Variants in F10 observed in about 807,000 individuals in gnomAD.
F10 encodes the protein coagulation factor X.
In F10, 29 loss-of-function variants were observed where a neutral mutation model predicts 37.1. That is an observed-to-expected ratio of 0.78 (90% CI 0.58 to 1.07). The LOEUF (loss-of-function observed/expected upper bound fraction) is 1.07. F10 is among the 50% of genes least tolerant of loss of function. The pLI is 0.00. For missense variants in F10, 539 were observed against 667.9 expected (o/e 0.81, Z 2.13); for synonymous variants, 262 against 268.6 (o/e 0.98, Z 0.24).
At chr13:113,140,683 AG>A in intron 4 of F10, 1 of 690,940 alleles carries the variant, frequency 1.4e-6, no homozygotes, top group East Asian at 2.8e-5. Context: ...CGGAGGTGTG[AG>A]GGGCAGGTAC....
At chr13:113,128,885 A>AG (rs1429889218) in intron 1 of F10, 4 of 139,668 alleles carry the variant, frequency 2.9e-5, no homozygotes, top group Admixed American at 6.9e-5. Flanking sequence ...CATCTTAAAG[A>AG]GAAAAAAAAA....
chr13:113,126,056 G>A lies in F10; in HGVS notation c.70+3131G>A, dbSNP rs577903543. Among the ~76,000 whole-genome samples, 3 of 152,292 alleles carry A rather than the reference G, an allele frequency of 2.0e-5. No individual in the cohort carries two copies. In the South Asian group the frequency reaches 6.2e-4, roughly 32 times the overall value. On this transcript the variant is annotated intron_variant, in intron 1 of 7. Transcript: ENST00000375559. ...AGGTGACTGGTGCAAAAGTCCTGGG[G>A]TGTGAGTGTTGGGCTCAGCCAGGGT...
intron 1 of F10, among the ~76,000 whole-genome samples, chr13:113,129,094 G>A (rs2036399638): frequency 6.6e-6 from 1 of 152,146 alleles, no homozygotes; most frequent in Non-Finnish European, 1.5e-5. Flanking sequence ...AGAGAAGTCA[G>A]GTTGGAAACT....
At chr13:113,140,240 AT>A (rs541441351) in intron 4 of F10, among the ~76,000 whole-genome samples, 313 of 144,352 alleles carry the variant, frequency 2.2e-3, no homozygotes, top group East Asian at 3.2e-3. Context: ...GTCCCGGCTA[AT>A]TTTTTTTTTT....
chr13:113,133,894 C>A (rs1338151984), intron 2 of F10, among the ~76,000 whole-genome samples: 1 of 152,074 alleles, frequency 6.6e-6, no homozygotes, highest in Non-Finnish European at 1.5e-5. Flanking sequence ...ATTATGTAAT[C>A]CACCATATAA....
chr13:113,149,087 G>T lies in F10; in HGVS notation c.1037G>T (p.Arg346Leu), dbSNP rs781413602. ...GTGGCGCCTGCCTGCCTCCCCGAGC[G>T]TGACTGGGCCGAGTCCACGCTGATG... ...MNVAPACLPE[R>L]DWAESTLMTQ... The change falls in exon 8 of 8, where the codon CGT becomes CTT. Residue 346 changes from arginine to leucine, a missense_variant. Physicochemically the swap from Arg to Leu is moderately radical, Grantham distance 102. Coordinates refer to ENST00000375559, the MANE Select transcript of F10 (RefSeq NM_000504.4). This position sits in a 1 kb window ranked among gnomAD's most constrained non-coding sequence, Gnocchi z 7.5. 1.2e-6 allele frequency: 2 copies of T among 1,613,200 alleles called. No homozygotes were observed. The highest frequency in any genetic ancestry group is 4.5e-5 in the East Asian group (2 of 44,878).
chr13:113,133,380 T>C (rs1426570717), intron 2 of F10, among the ~76,000 whole-genome samples: 1 of 152,106 alleles, frequency 6.6e-6, no homozygotes, highest in Non-Finnish European at 1.5e-5. Flanking sequence ...CTACAGAAAC[T>C]GTAGATGTTA....
rs769140014 is a variant in F10, at chr13:113,149,250, G to A, written c.1200G>A (p.Gln400=). Residue 400 remains glutamine, a synonymous_variant, in exon 8 of 8, where the codon CAG becomes CAA. Transcript: ENST00000375559. This position sits in a 1 kb window ranked among gnomAD's most constrained non-coding sequence, Gnocchi z 7.5. ...CKLSSSFIIT[Q]NMFCAGYDTK... ...TGTCCAGCAGCTTCATCATCACCCA[G>A]AACATGTTCTGTGCCGGCTACGACA... The A allele has an allele frequency of 1.2e-6, 2 of 1,613,220 alleles. No homozygotes were observed. Among genetic ancestry groups the A allele is most frequent in the South Asian group, 2.2e-5 (2 of 91,082 alleles).
chr13:113,147,310 G>T, intron 6 of F10, 69 bp from the exon 7 acceptor site: 1 of 1,060,434 alleles, frequency 9.4e-7, no homozygotes, highest in Non-Finnish European at 1.5e-6. Flanking sequence ...CACCTGAAGA[G>T]CTGGCTTCTC....
At chr13:113,133,953 T>C (rs1341163751) in intron 2 of F10, among the ~76,000 whole-genome samples, 1 of 152,058 alleles carries the variant, frequency 6.6e-6, no homozygotes, top group African/African-American at 2.4e-5. Context: ...AACAAACAAA[T>C]CTGGCAAAAT....
At chr13:113,140,808 C>T in intron 4 of F10, 111 bp from the exon 5 acceptor site, 2 of 1,552,612 alleles carry the variant, frequency 1.3e-6, no homozygotes, top group Middle Eastern at 1.8e-4. Flanking sequence ...TTTGCTCAAC[C>T]CAATGGCCGC....
chr13:113,139,391 C>A lies in F10; in HGVS notation c.291C>A (p.Asn97Lys). 6.2e-7 allele frequency: 1 copy of A among 1,613,890 alleles called. No individual in the cohort carries two copies. Among genetic ancestry groups the A allele is most frequent in the Non-Finnish European group, 8.5e-7 (1 of 1,179,860 alleles). The change falls in exon 4 of 8, where the codon AAC (asparagine) becomes AAA (lysine). Residue 97 changes from asparagine to lysine, a missense_variant. This residue lies in a region of F10 where 409 missense variants were observed against 547.9 expected (regional missense o/e 0.75). Transcript: ENST00000375559. The surrounding 1 kb of genome is among the most constrained non-coding windows in gnomAD (Gnocchi z 5.2). ...AGTGTGAGACCAGTCCTTGCCAGAA[C>A]CAGGGCAAATGTAAAGACGGCCTCG... ...GDQCETSPCQNQGKCKDGLGE... is the reference protein window; with the variant it reads ...GDQCETSPCQKQGKCKDGLGE...
chr13:113,149,014 G>C lies in F10; in HGVS notation c.964G>C (p.Asp322His). 1 of 1,613,468 alleles carries C rather than the reference G, an allele frequency of 6.2e-7. No individual in the cohort carries two copies. The highest frequency in any genetic ancestry group is 8.5e-7 in the Non-Finnish European group (1 of 1,180,032). The change falls in exon 8 of 8, where the codon GAC becomes CAC. Residue 322 changes from aspartate (D) to histidine (H), a missense_variant. By Grantham distance (81) the Asp-to-His change is moderately conservative (BLOSUM62 -1). This residue lies in a region of F10 where 409 missense variants were observed against 547.9 expected (regional missense o/e 0.75). Transcript: ENST00000375559. This position sits in a 1 kb window ranked among gnomAD's most constrained non-coding sequence, Gnocchi z 7.5. Reference sequence around the variant, plus strand: ...GTTCACAAAGGAGACCTATGACTTCGACATCGCCGTGCTCCGGCTCAAGAC... The same window carrying C: ...GTTCACAAAGGAGACCTATGACTTCCACATCGCCGTGCTCCGGCTCAAGAC... ...NRFTKETYDF[D>H]IAVLRLKTPI...
chr13:113,142,345 T>G (rs569043760), intron 5 of F10, among the ~76,000 whole-genome samples: 19 of 149,704 alleles, frequency 1.3e-4, no homozygotes, highest in Admixed American at 4.0e-4. Flanking sequence ...ATCGAGACCA[T>G]CCTGGCCAAC....
In F10 at chr13:113,143,703, G is replaced by GTCA; in HGVS notation, c.503-148_503-147insTCA. 2.3e-5 allele frequency: 27 copies of GTCA among 1,188,330 alleles called. No individual in the cohort carries two copies. The highest frequency in any genetic ancestry group is 1.4e-4 in the Admixed American group (6 of 42,354). 73.6% of individuals were successfully genotyped at this position (1,188,330 alleles called of 1,614,324 possible). ...CAGATCCGACCCCTGCCGACGACGTGGGGCCTCGCCCTGCAAGCCCGCTGC... is the reference window on the plus strand; with the variant it reads ...CAGATCCGACCCCTGCCGACGACGTGTCAGGGCCTCGCCCTGCAAGCCCGCTGC... On this transcript the variant is annotated intron_variant, in intron 5 of 7. Coordinates refer to ENST00000375559, the MANE Select transcript of F10 (RefSeq NM_000504.4). This position sits in a 1 kb window ranked among gnomAD's most constrained non-coding sequence, Gnocchi z 6.8.
At chr13:113,126,340 G>A (rs953289974) in intron 1 of F10, among the ~76,000 whole-genome samples, 1 of 152,220 alleles carries the variant, frequency 6.6e-6, no homozygotes, top group Non-Finnish European at 1.5e-5. Flanking sequence ...GCAGGCTTCA[G>A]GGAGATGGGA....
At position 113,149,133 on chromosome 13, in the gene F10, G is replaced by C. The variant is rs138101100; in HGVS notation, c.1083G>C (p.Val361=). 8 of 1,612,888 alleles carry C rather than the reference G, an allele frequency of 5.0e-6. No homozygotes were observed. The highest frequency in any genetic ancestry group is 1.3e-5 in the African/African-American group (1 of 74,936). ...STLMTQKTGI[V]SGFGRTHEKG... ...TGATGACGCAGAAGACGGGGATTGTGAGCGGCTTCGGGCGCACCCACGAGA... is the reference window on the plus strand; with the variant it reads ...TGATGACGCAGAAGACGGGGATTGTCAGCGGCTTCGGGCGCACCCACGAGA... Residue 361 remains valine, a synonymous_variant, in exon 8 of 8, where the codon GTG becomes GTC. Transcript: ENST00000375559. This position sits in a 1 kb window ranked among gnomAD's most constrained non-coding sequence, Gnocchi z 7.5.
Position 113,129,554 on chromosome 13 carries a change from T to A in F10, c.173T>A (p.Met58Lys), listed in dbSNP as rs1435923649. 6.2e-7 allele frequency: 1 copy of A among 1,613,998 alleles called. No homozygotes were observed. The highest frequency in any genetic ancestry group is 1.3e-5 in the African/African-American group (1 of 74,912). ...AAAGGACACCTCGAAAGAGAGTGCATGGAAGAGACCTGCTCATACGAAGAG... is the reference window on the plus strand; with the variant it reads ...AAAGGACACCTCGAAAGAGAGTGCAAGGAAGAGACCTGCTCATACGAAGAG... ...MKKGHLEREC[M>K]EETCSYEEAR... Residue 58 changes from methionine to lysine, a missense_variant, in exon 2 of 8, where the codon ATG (methionine) becomes AAG (lysine). Transcript: ENST00000375559.
intron 6 of F10, among the ~76,000 whole-genome samples, chr13:113,145,728 C>G (rs2036576920): frequency 6.6e-6 from 1 of 152,192 alleles, no homozygotes; most frequent in African/African-American, 2.4e-5. Flanking sequence ...GGCAGCAAGA[C>G]AGAGAATGAG....
Sources: gnomAD v4.1 joint callset for allele counts (sites outside exome capture counted in the v4.1 genomes callset) on GRCh38, gnomAD v4.1.1 for gene constraint, gnomAD v4.1.1 regional missense constraint, Gnocchi (gnomAD v3.1) non-coding constraint, MANE v1.5 for transcripts, NCBI Gene and HGNC (gene_info 2026-07-23, HGNC 2026-07-21) for gene names.